GABBR1: variants seen among roughly 807,000 people sequenced by gnomAD.
GABBR1 encodes gamma-aminobutyric acid type B receptor subunit 1.
A neutral mutation model predicts 117.7 loss-of-function variants in GABBR1; 35 were observed. The ratio of observed to expected loss-of-function variants is 0.30; its 90% CI spans 0.23 to 0.39. The LOEUF is 0.39. Among genes scored for constraint, GABBR1 ranks in the 10% least tolerant of loss-of-function variants. GABBR1 has a pLI of 1.00. For synonymous variants in GABBR1, 442 were observed against 486.6 expected (o/e 0.91, Z 1.21); for missense variants, 709 against 1,241.8 (o/e 0.57, Z 6.45).
chr6:29,628,272 G>A (rs896490426), intron 5 of GABBR1: 1 of 567,158 alleles, frequency 1.8e-6, no homozygotes, highest in Non-Finnish European at 2.2e-6. Context: ...CCGAGGGGAG[G>A]AGAAATGGGG....
In GABBR1 at chr6:29,604,784, G is replaced by A. The variant is rs181702336; in HGVS notation, c.2568+76C>T. Reference sequence around the variant, plus strand: ...AGAGGAGGGTGAACGGAAGGGCAGAGGAACTCAGTAATATAGGAAGGAGGG... The same window carrying A: ...AGAGGAGGGTGAACGGAAGGGCAGAAGAACTCAGTAATATAGGAAGGAGGG... On this transcript the variant is annotated intron_variant, in intron 21 of 22. Transcript: ENST00000377034. This position sits in a 1 kb window ranked among gnomAD's most constrained non-coding sequence, Gnocchi z 5.3. The A allele has an allele frequency of 9.9e-4, 1,572 of 1,585,344 alleles. 5 individuals are homozygous for A. The highest frequency in any genetic ancestry group is 8.0e-4 in the Non-Finnish European group (928 of 1,162,710).
At position 29,613,542 on chromosome 6, in the gene GABBR1, G is replaced by C; in HGVS notation, c.1324-57C>G. 2 of 1,578,294 alleles carry C rather than the reference G, an allele frequency of 1.3e-6. No homozygotes were observed. Among genetic ancestry groups the C allele is most frequent in the Non-Finnish European group, 1.7e-6 (2 of 1,158,500 alleles). ...GAAATGTGTGTGGGTGTGGGGGAAG[G>C]GGTGCAATCCAATTCTGACTCAATC... On this transcript the variant is annotated intron_variant, in intron 11 of 22. Transcript: ENST00000377034. The surrounding 1 kb of genome is among the most constrained non-coding windows in gnomAD (Gnocchi z 4.1).
Position 29,613,131 on chromosome 6 carries a change from C to T in GABBR1, c.1566+112G>A, listed in dbSNP as rs1762727032. 1 of 1,147,876 alleles carries T rather than the reference C, an allele frequency of 8.7e-7. No homozygotes were observed. Among genetic ancestry groups the T allele is most frequent in the Non-Finnish European group, 1.2e-6 (1 of 801,634 alleles). 71.1% of individuals were successfully genotyped at this position (1,147,876 alleles called of 1,614,324 possible). On this transcript the variant is annotated intron_variant, in intron 12 of 22. Transcript: ENST00000377034. The surrounding 1 kb of genome is among the most constrained non-coding windows in gnomAD (Gnocchi z 4.1). ...CTACTTCTCTGGTCGGAGACTGATT[C>T]TGCAAAGAAGTAACTGAGAAAAACA...
At position 29,620,243 on chromosome 6, in the gene GABBR1, A is replaced by T. The variant is rs2109476; in HGVS notation, c.1323+858T>A. Among the ~76,000 whole-genome samples, 2,056 of 152,330 alleles carry T rather than the reference A, an allele frequency of 0.013. 54 individuals are homozygous for T. The highest frequency in any genetic ancestry group is 0.054 in the Admixed American group (833 of 15,292). On this transcript the variant is annotated intron_variant, in intron 11 of 22. Coordinates refer to ENST00000377034, the MANE Select transcript of GABBR1 (RefSeq NM_001470.4). This position sits in a 1 kb window ranked among gnomAD's most constrained non-coding sequence, Gnocchi z 4.5. ...AGAGTTTTGCTGTTAGAATCCCTGA[A>T]ATCATGAATCTAAGTACCACACAAA...
At chr6:29,625,735 G>A (rs1303925308) in intron 6 of GABBR1, among the ~76,000 whole-genome samples, 1 of 152,130 alleles carries the variant, frequency 6.6e-6, no homozygotes. Flanking sequence ...GGAATCACCT[G>A]TCATGGTGGA....
At chr6:29,610,297 G>C (rs779503176) in intron 14 of GABBR1, among the ~76,000 whole-genome samples, 1 of 151,978 alleles carries the variant, frequency 6.6e-6, no homozygotes, top group Non-Finnish European at 1.5e-5. Context: ...TCTTTAAAAA[G>C]TATATTTTGA....
intron 11 of GABBR1, among the ~76,000 whole-genome samples, chr6:29,615,200 G>GA (rs1762946792): frequency 6.7e-6 from 1 of 148,466 alleles, no homozygotes. Flanking sequence ...GCTGAGGTGA[G>GA]AAAATCACTT....
Position 29,607,045 on chromosome 6 carries a change from A to C in GABBR1, c.2110-41T>G, listed in dbSNP as rs1762033595. On this transcript the variant is annotated intron_variant, in intron 17 of 22. Transcript: ENST00000377034. The surrounding 1 kb of genome is among the most constrained non-coding windows in gnomAD (Gnocchi z 5.0). ...GGGAGAACAGGCACGTCAGGGGAAA[A>C]TGCTCTGTGCCCCAGGAGCCAAGGA... 1 of 1,609,906 alleles carries C rather than the reference A, an allele frequency of 6.2e-7. No individual in the cohort carries two copies. Among genetic ancestry groups the C allele is most frequent in the Non-Finnish European group, 8.5e-7 (1 of 1,176,288 alleles).
intron 11 of GABBR1, among the ~76,000 whole-genome samples, chr6:29,618,649 C>G (rs1441009437): frequency 6.6e-6 from 1 of 152,158 alleles, no homozygotes; most frequent in Non-Finnish European, 1.5e-5. Flanking sequence ...AATCTTATCT[C>G]CAGGATGCCA....
chr6:29,628,963 G>A, intron 5 of GABBR1, 124 bp downstream of exon 5: 2 of 1,088,520 alleles, frequency 1.8e-6, no homozygotes, highest in Non-Finnish European at 2.8e-6. Context: ...GCAAACTGGG[G>A]TGGGTTGGGG....
At position 29,608,748 on chromosome 6, in the gene GABBR1, G is replaced by A; in HGVS notation, c.1860-15C>T. ...TCTGGATATAACTAGGGCAGAGGTG[G>A]AGAGGGTGAGAGGGAGAGAGAATTA... is the stretch of plus-strand genomic sequence containing the variant. On this transcript the variant is annotated splice_polypyrimidine_tract_variant and intron_variant, in intron 15 of 22. Coordinates refer to ENST00000377034, the MANE Select transcript of GABBR1 (RefSeq NM_001470.4). 1 of 1,610,240 alleles carries A rather than the reference G, an allele frequency of 6.2e-7. No homozygotes were observed. Among genetic ancestry groups the A allele is most frequent in the Non-Finnish European group, 8.5e-7 (1 of 1,178,590 alleles).
At position 29,602,508 on chromosome 6, in the gene GABBR1, TA is replaced by T; in HGVS notation, c.*1034del. 4.3e-5 allele frequency: 7 copies of T among 164,370 alleles called. No individual in the cohort carries two copies. Among genetic ancestry groups the T allele is most frequent in the Admixed American group, 2.2e-4 (4 of 17,874 alleles). 10.2% of individuals were successfully genotyped at this position (164,370 alleles called of 1,614,324 possible). A position where few individuals can be genotyped will look rare whatever the true frequency, so the allele number is the denominator to read the frequency against. ...GATTGTGAGTGTAGACTGAGGGTAG[TA>T]CATGAATGCAATGGAGATGGGGGGA... On this transcript the variant is annotated 3_prime_UTR_variant, in exon 23 of 23. Coordinates refer to ENST00000377034, the MANE Select transcript of GABBR1 (RefSeq NM_001470.4).
chr6:29,609,373 G>T lies in GABBR1; in HGVS notation c.1715C>A (p.Ser572Tyr), dbSNP rs769387127. The change falls in exon 15 of 23, where the codon TCC becomes TAC. Residue 572 changes from serine (S) to tyrosine (Y), a missense_variant. Ser to Tyr is a moderately radical substitution (Grantham distance 144). This residue lies in a region of GABBR1 where 251 missense variants were observed against 445.3 expected (regional missense o/e 0.56). Coordinates refer to ENST00000377034, the MANE Select transcript of GABBR1 (RefSeq NM_001470.4). The surrounding 1 kb of genome is among the most constrained non-coding windows in gnomAD (Gnocchi z 4.3). The stretch of plus-strand genomic sequence containing the variant: ...GACCAGGGTCTGGTCAGCTGGGGGG[G>T]ACCCTCCTGCATGGCACAGGGGAGG... ...WSKTDKWIGG[S>Y]PPADQTLVIK... 6.2e-7 allele frequency: 1 copy of T among 1,612,896 alleles called. No homozygotes were observed. Among genetic ancestry groups the T allele is most frequent in the Non-Finnish European group, 8.5e-7 (1 of 1,179,952 alleles).
chr6:29,632,475 C>A lies in GABBR1; in HGVS notation c.1-90G>T. ...ACTCGACCTCTTGCCGGTTGCCTCG[C>A]AGGCTCCGACCGGGCTCAGCCTGGG... On this transcript the variant is annotated intron_variant, in intron 1 of 22. Coordinates refer to ENST00000377034, the MANE Select transcript of GABBR1 (RefSeq NM_001470.4). This position sits in a 1 kb window ranked among gnomAD's most constrained non-coding sequence, Gnocchi z 5.8. The A allele has an allele frequency of 8.8e-7, 1 of 1,139,494 alleles. No homozygotes were observed. 70.6% of individuals were successfully genotyped at this position (1,139,494 alleles called of 1,614,324 possible). A position where few individuals can be genotyped will look rare whatever the true frequency, so the allele number is the denominator to read the frequency against.
chr6:29,624,131 A>T (rs1450373193), intron 6 of GABBR1, 107 bp from the exon 7 acceptor site: 3 of 1,097,566 alleles, frequency 2.7e-6, no homozygotes, highest in Non-Finnish European at 3.7e-6. Context: ...TCAATTACTC[A>T]CTTTCATCAT....
In GABBR1 at chr6:29,606,839, T is replaced by C; in HGVS notation, c.2217+58A>G. ...CAAGACACACACAGCCCCAGGGCCC[T>C]GATGGCCACTGAGCCCTGCTCATTC... On this transcript the variant is annotated intron_variant, in intron 18 of 22. Transcript: ENST00000377034. The surrounding 1 kb of genome is among the most constrained non-coding windows in gnomAD (Gnocchi z 4.5). 2 of 1,426,770 alleles carry C rather than the reference T, an allele frequency of 1.4e-6. No homozygotes were observed. The highest frequency in any genetic ancestry group is 2.0e-6 in the Non-Finnish European group (2 of 1,012,942). 88.4% of individuals were successfully genotyped at this position (1,426,770 alleles called of 1,614,324 possible). A position where few individuals can be genotyped will look rare whatever the true frequency, so the allele number is the denominator to read the frequency against.
chr6:29,608,646 G>A lies in GABBR1; in HGVS notation c.1947C>T (p.Leu649=), dbSNP rs771651154. 4.3e-6 allele frequency: 7 copies of A among 1,613,020 alleles called. No homozygotes were observed. The highest frequency in any genetic ancestry group is 1.6e-4 in the Middle Eastern group (1 of 6,062). The part of the protein sequence containing the change: ...LALAAVFPLG[L]DGYHIGRNQF... ...GGTTCCTCCCAATGTGGTAACCATC[G>A]AGCCCCAGGGGGAAGACAGCAGCTA... Residue 649 remains leucine, a synonymous_variant, in exon 16 of 23, where the codon CTC becomes CTT. Coordinates refer to ENST00000377034, the MANE Select transcript of GABBR1 (RefSeq NM_001470.4).
chr6:29,616,179 C>A (rs1763079263), intron 11 of GABBR1, among the ~76,000 whole-genome samples: 1 of 150,350 alleles, frequency 6.7e-6, no homozygotes, highest in African/African-American at 2.5e-5. Flanking sequence ...CAAGCCTGGG[C>A]AATAAGAATG....
intron 14 of GABBR1, among the ~76,000 whole-genome samples, chr6:29,610,150 T>C (rs1762392869): frequency 6.6e-6 from 1 of 152,060 alleles, no homozygotes; most frequent in Non-Finnish European, 1.5e-5. Context: ...GGCAGCCATC[T>C]TCAATGGTTG....
Sources: allele counts gnomAD v4.1 joint callset (sites outside exome capture counted in the v4.1 genomes callset), GRCh38; gene constraint gnomAD v4.1.1; regional missense constraint gnomAD v4.1.1; non-coding constraint Gnocchi (gnomAD v3.1); transcripts MANE v1.5; gene names NCBI Gene and HGNC (gene_info 2026-07-23, HGNC 2026-07-21).